The following SAMSN1 variants were observed in gnomAD, a reference collection of about 807,000 sequenced individuals.
The protein encoded by SAMSN1 is SAM domain, SH3 domain and nuclear localization signals 1.
SAMSN1 carries 31 observed loss-of-function variants against 42.0 expected under a neutral mutation model. The observed-to-expected ratio is 0.74, with a 90% CI of 0.55 to 1.00. The LOEUF is 1.00. Ranked by LOEUF, SAMSN1 falls within the 50% of genes least tolerant of loss-of-function variation. The pLI, the probability that SAMSN1 is intolerant of heterozygous loss-of-function variation, is 0.00. For missense variants in SAMSN1, 464 were observed against 439.4 expected, an observed-to-expected ratio of 1.06 and a Z score of -0.50; for synonymous variants, 178 against 151.9, an observed-to-expected ratio of 1.17 and a Z score of -1.26.
chr21:14,647,254 A>G (rs1983733085), intron 1 of SAMSN1, among the ~76,000 whole-genome samples: 1 of 152,050 alleles, frequency 6.6e-6, no homozygotes. Context: ...TCCTTTCCCC[A>G]TTGCTTGTTT....
intron 1 of SAMSN1, among the ~76,000 whole-genome samples, chr21:14,656,848 T>A (rs1977014): frequency 6.6e-6 from 1 of 151,554 alleles, no homozygotes; most frequent in Non-Finnish European, 1.5e-5. Flanking sequence ...GATCTTTATG[T>A]GACACATAAT....
At chr21:14,566,311 C>A (rs1158323803) in intron 2 of SAMSN1, among the ~76,000 whole-genome samples, 1 of 152,150 alleles carries the variant, frequency 6.6e-6, no homozygotes, top group African/African-American at 2.4e-5. Flanking sequence ...TTCAAAAAGC[C>A]TTTTAACATA....
intron 1 of SAMSN1, among the ~76,000 whole-genome samples, chr21:14,525,855 T>C (rs1378084808): frequency 6.6e-6 from 1 of 152,184 alleles, no homozygotes; most frequent in Non-Finnish European, 1.5e-5. Flanking sequence ...AGTGGTCTCA[T>C]AACTTTATTT....
rs576114107 is a variant in SAMSN1 at position 14,501,433 on chromosome 21, G to A, written c.562-698C>T. Among the ~76,000 whole-genome samples the A allele has an allele frequency of 3.3e-5, 5 of 152,282 alleles. No homozygotes were observed. The South Asian group carries it at 1.0e-3, about 32-fold the overall frequency. ...TAAACGACTTCTCAAAAGCTTGCAG[G>A]AAGTTAACGGCAGAACCAGAACTCA... On this transcript the variant is annotated intron_variant, in intron 5 of 7. Transcript: ENST00000400566.
At chr21:14,633,557 C>T (rs1353078323) in intron 2 of SAMSN1, among the ~76,000 whole-genome samples, 2 of 152,160 alleles carry the variant, frequency 1.3e-5, no homozygotes, top group African/African-American at 4.8e-5. Flanking sequence ...TTACTATTGT[C>T]TGATAAGTTA....
intron 6 of SAMSN1, among the ~76,000 whole-genome samples, chr21:14,594,925 CAT>C (rs1052524273): frequency 1.8e-4 from 28 of 152,204 alleles, no homozygotes; most frequent in African/African-American, 6.7e-4. Flanking sequence ...GTACAAGAAA[CAT>C]AGTGGCTTCT....
chr21:14,594,464 C>T (rs1368124034), intron 6 of SAMSN1, among the ~76,000 whole-genome samples: 1 of 152,090 alleles, frequency 6.6e-6, no homozygotes, highest in Non-Finnish European at 1.5e-5. Context: ...TATGAAGCAG[C>T]CCACTCTAAT....
chr21:14,658,581 C>A (rs748549552), intron 1 of SAMSN1, among the ~76,000 whole-genome samples: 1 of 151,874 alleles, frequency 6.6e-6, no homozygotes, highest in East Asian at 1.9e-4. Flanking sequence ...GGCTTAAGTG[C>A]TTTAATGAAA....
At chr21:14,633,161 A>C (rs1568838071) in intron 2 of SAMSN1, among the ~76,000 whole-genome samples, 1 of 151,986 alleles carries the variant, frequency 6.6e-6, no homozygotes, top group Non-Finnish European at 1.5e-5. Flanking sequence ...TTAGTGAAAC[A>C]CCAGTCTAGA....
chr21:14,501,781 T>A (rs1045707470), intron 5 of SAMSN1, among the ~76,000 whole-genome samples: 14 of 152,226 alleles, frequency 9.2e-5, no homozygotes, highest in African/African-American at 3.4e-4. Flanking sequence ...TAAGAAGAGA[T>A]AACATTTAGA....
chr21:14,496,610 C>G (rs560277367), intron 7 of SAMSN1, among the ~76,000 whole-genome samples: 3 of 152,182 alleles, frequency 2.0e-5, no homozygotes, highest in Non-Finnish European at 4.4e-5. Context: ...AAACTGACTC[C>G]TTTACCTGAA....
chr21:14,552,829 T>A (rs1980643653), intron 2 of SAMSN1, among the ~76,000 whole-genome samples: 1 of 152,112 alleles, frequency 6.6e-6, no homozygotes, highest in African/African-American at 2.4e-5. Flanking sequence ...TGCTCTTAAT[T>A]TTGTGATTTT....
At chr21:14,630,280 A>G (rs1983296058) in intron 2 of SAMSN1, among the ~76,000 whole-genome samples, 1 of 152,158 alleles carries the variant, frequency 6.6e-6, no homozygotes, top group Non-Finnish European at 1.5e-5. Context: ...TTCTGTAGAA[A>G]CAATCCATGC....
intron 6 of SAMSN1, among the ~76,000 whole-genome samples, chr21:14,595,915 G>A (rs1013960243): frequency 5.9e-5 from 9 of 152,056 alleles, no homozygotes; most frequent in South Asian, 2.1e-4. Flanking sequence ...TCTGGGCTGC[G>A]AAATTCCTTT....
At chr21:14,491,262 C>A (rs1444500840) in intron 7 of SAMSN1, among the ~76,000 whole-genome samples, 1 of 149,674 alleles carries the variant, frequency 6.7e-6, no homozygotes, top group Non-Finnish European at 1.5e-5. Context: ...ATCACTCTGG[C>A]TTTCCCTTTT....
At chr21:14,490,709 A>G (rs1039640878) in intron 7 of SAMSN1, among the ~76,000 whole-genome samples, 5 of 152,232 alleles carry the variant, frequency 3.3e-5, no homozygotes, top group Admixed American at 3.3e-4. Context: ...TTCCATTCAT[A>G]GGAAAATAAC....
In SAMSN1 at chr21:14,617,339, G is replaced by C. The variant is rs115733501; in HGVS notation, c.157-1323C>G. Among the ~76,000 whole-genome samples, 1,339 of 152,252 alleles carry C rather than the reference G, an allele frequency of 8.8e-3. 21 individuals are homozygous for C. Among genetic ancestry groups the C allele is most frequent in the African/African-American group, 0.031 (1,275 of 41,548 alleles). ...CTATTCAAGGTCTTTTTCTGAAATT[G>C]TTTAGGTCTTGGGCCAGATCTTTCC... is the stretch of plus-strand genomic sequence containing the variant. On this transcript the variant is annotated intron_variant, in intron 2 of 15. Coordinates refer to the SAMSN1 transcript ENST00000647101.
chr21:14,596,850 C>A (rs1319557405), intron 6 of SAMSN1, among the ~76,000 whole-genome samples: 2 of 152,152 alleles, frequency 1.3e-5, no homozygotes, highest in East Asian at 1.9e-4. Context: ...AGACTCTAAG[C>A]TAGAAATGCC....
chr21:14,591,937 A>G (rs1045941645), intron 7 of SAMSN1: 38 of 152,280 alleles, frequency 2.5e-4, no homozygotes, highest in African/African-American at 9.1e-4. Context: ...CCATAGTATA[A>G]TGAAGTCGCA....
Sources: allele counts gnomAD v4.1 joint callset (sites outside exome capture counted in the v4.1 genomes callset), GRCh38; gene constraint gnomAD v4.1.1; transcripts MANE v1.5; gene names NCBI Gene and HGNC (gene_info 2026-07-23, HGNC 2026-07-21).